Variants in ST3GAL2 observed in about 807,000 individuals in gnomAD.
ST3GAL2 encodes the protein ST3 beta-galactoside alpha-2,3-sialyltransferase 2, also known as CMP-N-acetylneuraminate-beta-galactosamide-alpha-2,3-sialyltransferase 2.
In ST3GAL2, 16 loss-of-function variants were observed where a neutral mutation model predicts 37.5. The ratio of observed to expected loss-of-function variants is 0.43; its 90% confidence interval spans 0.29 to 0.65. The LOEUF is 0.65. Ranked by LOEUF, ST3GAL2 falls within the 30% of genes least tolerant of loss-of-function variation. The pLI is 0.17. For missense variants in ST3GAL2, 383 were observed against 487.8 expected (o/e 0.79, Z 2.02); for synonymous variants, 238 against 202.9 (o/e 1.17, Z -1.47).
At chr16:70,434,423 G>A (rs939869616) in intron 1 of ST3GAL2, among the ~76,000 whole-genome samples, 5 of 151,528 alleles carry the variant, frequency 3.3e-5, no homozygotes, top group African/African-American at 7.3e-5. Context: ...GCAACAGAAC[G>A]AGACTCCATC....
intron 1 of ST3GAL2, among the ~76,000 whole-genome samples, chr16:70,428,597 A>G (rs1365462668): frequency 1.3e-5 from 2 of 152,060 alleles, no homozygotes; most frequent in African/African-American, 4.8e-5. Context: ...CCTCTATCCT[A>G]TCCCTCCCTC....
chr16:70,402,565 AG>A (rs1486859433), intron 1 of ST3GAL2, among the ~76,000 whole-genome samples: 3 of 152,182 alleles, frequency 2.0e-5, no homozygotes, highest in Non-Finnish European at 2.9e-5. Context: ...ATTCCTCTGG[AG>A]GGGGAAGAGA....
At chr16:70,422,493 C>T (rs1228032004) in intron 1 of ST3GAL2, among the ~76,000 whole-genome samples, 1 of 152,088 alleles carries the variant, frequency 6.6e-6, no homozygotes, top group Non-Finnish European at 1.5e-5. Context: ...GCAGACAGTT[C>T]GGGAGAGAAA....
At chr16:70,426,899 G>A (rs373809322) in intron 1 of ST3GAL2, among the ~76,000 whole-genome samples, 6 of 152,266 alleles carry the variant, frequency 3.9e-5, no homozygotes, top group African/African-American at 1.4e-4. Context: ...TCAGGCTGGA[G>A]TGCAGTGGCG....
In ST3GAL2 at chr16:70,434,016, C is replaced by T. The variant is rs141526400; in HGVS notation, c.-1004+4933G>A. 1.9e-3 allele frequency among the ~76,000 whole-genome samples: 282 copies of T among 152,238 alleles called. 1 individual carries two copies. The highest frequency in any genetic ancestry group is 6.6e-3 in the African/African-American group (274 of 41,518). ...TCTGAGCTCCCTATGGGGATGACTT[C>T]GACCTCCTTTAACTGGCCACATTTC... is the stretch of plus-strand genomic sequence containing the variant. On this transcript the variant is annotated intron_variant, in intron 1 of 6. Coordinates refer to ENST00000342907, the MANE Select transcript of ST3GAL2 (RefSeq NM_006927.4).
Position 70,383,216 on chromosome 16 carries a change from A to C in ST3GAL2, c.733T>G (p.Ser245Ala). The stretch of plus-strand genomic sequence containing the variant: ...TTTTCTTTATCCACTCGAAGGAAGG[A>C]CTTCACTGGGGCGTAGGTGCTGTAA... The part of the protein sequence containing the change: ...QIRFTYAPVK[S>A]FLRVDKEKVQ... Residue 245 changes from serine (S) to alanine (A), a missense_variant, in exon 5 of 7, where the codon TCC becomes GCC. Coordinates refer to ENST00000342907, the MANE Select transcript of ST3GAL2 (RefSeq NM_006927.4). 1.2e-6 allele frequency: 2 copies of C among 1,609,592 alleles called. No homozygotes were observed. The highest frequency in any genetic ancestry group is 1.7e-6 in the Non-Finnish European group (2 of 1,178,910).
At chr16:70,437,645 T>C (rs2047834810) in intron 1 of ST3GAL2, among the ~76,000 whole-genome samples, 1 of 152,166 alleles carries the variant, frequency 6.6e-6, no homozygotes, top group Admixed American at 6.5e-5. Flanking sequence ...ACATACTCTG[T>C]GCCTTCCTCC....
At chr16:70,434,387 A>G (rs1184315632) in intron 1 of ST3GAL2, among the ~76,000 whole-genome samples, 1 of 151,120 alleles carries the variant, frequency 6.6e-6, no homozygotes, top group African/African-American at 2.4e-5. Context: ...CAGTGAGCCG[A>G]GATCACACCA....
At chr16:70,428,664 C>T (rs192471932) in intron 1 of ST3GAL2, among the ~76,000 whole-genome samples, 1 of 152,346 alleles carries the variant, frequency 6.6e-6, no homozygotes, top group Non-Finnish European at 1.5e-5. Flanking sequence ...TCAAGGTCCC[C>T]ACACGTCCCC....
At chr16:70,437,501 C>A (rs535065927) in intron 1 of ST3GAL2, among the ~76,000 whole-genome samples, 6 of 144,276 alleles carry the variant, frequency 4.2e-5, no homozygotes, top group African/African-American at 1.4e-4. Context: ...CCCTCTGCCC[C>A]CCCCGCAAAA....
chr16:70,403,784 C>G (rs1471184236), intron 1 of ST3GAL2, among the ~76,000 whole-genome samples: 1 of 152,072 alleles, frequency 6.6e-6, no homozygotes, highest in Non-Finnish European at 1.5e-5. Context: ...AGCACTCCAG[C>G]CTGGTGACAG....
In ST3GAL2 at chr16:70,376,979, G is replaced by C. The variant is rs1356205732; in HGVS notation, c.*4710C>G. The C allele has an allele frequency of 6.6e-6, 1 of 151,618 alleles. No homozygotes were observed. The highest frequency in any genetic ancestry group is 1.5e-5 in the Non-Finnish European group (1 of 67,936). The allele number at this position is 151,618 out of a possible 1,614,324, so 9.4% of individuals were successfully genotyped here. A position where few individuals can be genotyped will look rare whatever the true frequency, so the allele number is the denominator to read the frequency against. On this transcript the variant is annotated 3_prime_UTR_variant, in exon 7 of 7. Coordinates refer to ENST00000342907, the MANE Select transcript of ST3GAL2 (RefSeq NM_006927.4). ...GCTGGTCTTGAACTCCTGACCTCGT[G>C]ATTCACCTGCCTCAGCCTCCCAAAA...
chr16:70,383,038 T>C (rs2047416916), intron 5 of ST3GAL2, 114 bp from the exon 6 acceptor site: 1 of 1,583,870 alleles, frequency 6.3e-7, no homozygotes, highest in African/African-American at 1.3e-5. Context: ...CTGTGTCTCC[T>C]GAATCGTGTG....
chr16:70,432,247 A>C (rs1237228320), intron 1 of ST3GAL2, among the ~76,000 whole-genome samples: 1 of 152,200 alleles, frequency 6.6e-6, no homozygotes, highest in Non-Finnish European at 1.5e-5. Flanking sequence ...CCACTGCATT[A>C]ATAGTTGGTA....
At chr16:70,415,587 G>A (rs1274316643) in intron 1 of ST3GAL2, among the ~76,000 whole-genome samples, 8 of 151,706 alleles carry the variant, frequency 5.3e-5, no homozygotes, top group Non-Finnish European at 1.2e-4. Context: ...GAGTAGCTGG[G>A]ACTACCGGAG....
chr16:70,398,092 G>A (rs1377288542), intron 2 of ST3GAL2, 100 bp downstream of exon 2: 3 of 1,267,914 alleles, frequency 2.4e-6, no homozygotes, highest in African/African-American at 3.0e-5. Flanking sequence ...TGGTCAAACA[G>A]GCATTTTGTC....
intron 1 of ST3GAL2, among the ~76,000 whole-genome samples, chr16:70,427,076 T>C (rs1233071373): frequency 6.6e-6 from 1 of 152,114 alleles, no homozygotes; most frequent in Admixed American, 6.5e-5. Flanking sequence ...CTCGAACTCC[T>C]GGGCTTAGGC....
intron 4 of ST3GAL2, among the ~76,000 whole-genome samples, chr16:70,388,044 G>A (rs1370418516): frequency 1.3e-5 from 2 of 151,472 alleles, no homozygotes; most frequent in Admixed American, 6.6e-5. Context: ...CCCGGGAGGC[G>A]GATGTTGCAG....
chr16:70,415,144 G>C (rs988153589), intron 1 of ST3GAL2, among the ~76,000 whole-genome samples: 2 of 152,204 alleles, frequency 1.3e-5, no homozygotes, highest in African/African-American at 4.8e-5. Context: ...AAAGTGCTGG[G>C]ATTACAGGCA....
Sources: gnomAD v4.1 joint callset for allele counts (sites outside exome capture counted in the v4.1 genomes callset) on GRCh38, gnomAD v4.1.1 for gene constraint, MANE v1.5 for transcripts, NCBI Gene and HGNC (gene_info 2026-07-23, HGNC 2026-07-21) for gene names.